The following RASGEF1C variants were observed in gnomAD, a reference collection of about 807,000 sequenced individuals.
RASGEF1C encodes the protein ras-GEF domain-containing family member 1C.
RASGEF1C carries 27 observed loss-of-function variants against 58.1 expected under a neutral mutation model. That is an observed-to-expected ratio of 0.46 (90% confidence interval 0.34 to 0.64). RASGEF1C has a LOEUF of 0.64. Among genes scored for constraint, RASGEF1C ranks in the 30% least tolerant of loss-of-function variants. RASGEF1C has a pLI of 0.01. For missense variants in RASGEF1C, 502 were observed against 605.1 expected (o/e 0.83, Z 1.79); for synonymous variants, 243 against 246.3 (o/e 0.99, Z 0.13).
intron 12 of RASGEF1C, among the ~76,000 whole-genome samples, chr5:180,110,742 C>T (rs1765946520): frequency 6.6e-6 from 1 of 152,196 alleles, no homozygotes; most frequent in Admixed American, 6.5e-5. Context: ...GTGTCTGTTA[C>T]ACCTGCACAC....
chr5:180,124,402 C>A (rs182033888), intron 6 of RASGEF1C, among the ~76,000 whole-genome samples: 2 of 152,188 alleles, frequency 1.3e-5, no homozygotes, highest in Admixed American at 1.3e-4. Flanking sequence ...ACAGTTCAGT[C>A]TCACTGACGA....
At chr5:180,135,048 C>CA (rs201990397) in intron 4 of RASGEF1C, among the ~76,000 whole-genome samples, 3,572 of 143,390 alleles carry the variant, frequency 0.025, 104 homozygotes, top group Middle Eastern at 0.061. Flanking sequence ...TGTCCCCACC[C>CA]CCCCCGTCCA....
At position 180,137,212 on chromosome 5, in the gene RASGEF1C, G is replaced by T. The variant is rs1350072083; in HGVS notation, c.300+378C>A. On this transcript the variant is annotated intron_variant, in intron 3 of 13. Transcript: ENST00000361132. The surrounding 1 kb of genome is among the most constrained non-coding windows in gnomAD (Gnocchi z 4.1). ...CTCCCACTAGCGGTAGAGCCCTACC[G>T]ACGCGTGTGCAATAGAGGCAGCCCG... Among the ~76,000 whole-genome samples, 2 of 152,144 alleles carry T rather than the reference G, an allele frequency of 1.3e-5. No individual in the cohort carries two copies. Among genetic ancestry groups the T allele is most frequent in the African/African-American group, 4.8e-5 (2 of 41,436 alleles).
intron 1 of RASGEF1C, among the ~76,000 whole-genome samples, chr5:180,175,494 T>G (rs958875094): frequency 1.6e-4 from 24 of 152,214 alleles, no homozygotes; most frequent in African/African-American, 5.5e-4. Flanking sequence ...GAGCCCGGCC[T>G]TGGGCTCAGG....
chr5:180,185,798 T>C (rs1252596294), intron 1 of RASGEF1C, among the ~76,000 whole-genome samples: 1 of 151,786 alleles, frequency 6.6e-6, no homozygotes, highest in African/African-American at 2.4e-5. Context: ...AAAAACCTTC[T>C]CATAAGGAAC....
chr5:180,124,245 A>C (rs1053651389), intron 6 of RASGEF1C, among the ~76,000 whole-genome samples: 2 of 143,164 alleles, frequency 1.4e-5, no homozygotes, highest in Non-Finnish European at 3.1e-5. Context: ...AAAAAAAAAA[A>C]GAAAAAGAAA....
chr5:180,142,754 C>T (rs1186549672), intron 1 of RASGEF1C, among the ~76,000 whole-genome samples: 1 of 152,126 alleles, frequency 6.6e-6, no homozygotes, highest in African/African-American at 2.4e-5. Context: ...CAGTGAGGCC[C>T]TGAGAAATGA....
chr5:180,115,367 C>T, intron 10 of RASGEF1C: 1 of 392,306 alleles, frequency 2.5e-6, no homozygotes, highest in South Asian at 1.9e-5. Context: ...GATGCACTTA[C>T]TGTTAGACCA....
chr5:180,148,086 G>T (rs1359341402), intron 1 of RASGEF1C, among the ~76,000 whole-genome samples: 1 of 152,072 alleles, frequency 6.6e-6, no homozygotes, highest in African/African-American at 2.4e-5. Flanking sequence ...AATTTTCATT[G>T]ATATGTGATA....
intron 1 of RASGEF1C, 184 bp from the exon 2 acceptor site, chr5:180,138,242 C>G (rs1561740650): frequency 2.2e-6 from 1 of 463,274 alleles, no homozygotes. Flanking sequence ...CACAGCACAG[C>G]CTTCATTCTC....
chr5:180,164,308 G>A (rs960587313), intron 1 of RASGEF1C, among the ~76,000 whole-genome samples: 4 of 151,930 alleles, frequency 2.6e-5, no homozygotes, highest in African/African-American at 4.8e-5. Context: ...GTTTCTTAAT[G>A]TGAAATTTCA....
At chr5:180,165,972 A>G (rs1767015806) in intron 1 of RASGEF1C, among the ~76,000 whole-genome samples, 3 of 151,518 alleles carry the variant, frequency 2.0e-5, no homozygotes, top group African/African-American at 7.3e-5. Context: ...GATGGTCTTG[A>G]TCTCCTGACC....
In RASGEF1C at chr5:180,136,555, C is replaced by T. The variant is rs976700930; in HGVS notation, c.301-40G>A. 6 of 1,541,294 alleles carry T rather than the reference C, an allele frequency of 3.9e-6. No individual in the cohort carries two copies. In the East Asian group the frequency reaches 7.2e-5, roughly 19 times the overall value. On this transcript the variant is annotated intron_variant, in intron 3 of 13. Coordinates refer to ENST00000361132, the MANE Select transcript of RASGEF1C (RefSeq NM_175062.4). ...GGGGCACCGCGCTCGTGAGGGGCGC[C>T]GGGTGGGCACGTGAGCCTCACTGCG... is the stretch of plus-strand genomic sequence containing the variant.
At chr5:180,187,693 G>A (rs4700722) in intron 1 of RASGEF1C, among the ~76,000 whole-genome samples, 72,927 of 152,066 alleles carry the variant, frequency 0.48, 18,461 homozygotes, top group African/African-American at 0.64. Flanking sequence ...CAAAATACTT[G>A]AATAGACATT....
At position 180,158,778 on chromosome 5, in the gene RASGEF1C, C is replaced by T. The variant is rs148793947; in HGVS notation, c.-6-20720G>A. The stretch of plus-strand genomic sequence containing the variant: ...TCGTGTGGAGCACTTTCCAGTCTCA[C>T]GGGCTGGAATCTCGTGCCCTTCAGT... On this transcript the variant is annotated intron_variant, in intron 1 of 13. Coordinates refer to ENST00000361132, the MANE Select transcript of RASGEF1C (RefSeq NM_175062.4). This position sits in a 1 kb window ranked among gnomAD's most constrained non-coding sequence, Gnocchi z 4.0. Among the ~76,000 whole-genome samples the T allele has an allele frequency of 5.3e-5, 8 of 152,278 alleles. No homozygotes were observed. Among genetic ancestry groups the T allele is most frequent in the African/African-American group, 7.2e-5 (3 of 41,550 alleles).
chr5:180,154,320 C>G (rs528175483), intron 1 of RASGEF1C, among the ~76,000 whole-genome samples: 1 of 152,272 alleles, frequency 6.6e-6, no homozygotes, highest in East Asian at 1.9e-4. Context: ...GAACTCAGCA[C>G]TGTTTCCAAG....
In RASGEF1C at chr5:180,208,964, C is replaced by G. The variant is rs959467390; in HGVS notation, c.-7+64G>C. On this transcript the variant is annotated intron_variant, in intron 1 of 13. Transcript: ENST00000361132. ...CCGCCGCGCCGCCGGCAGCCCTCCC[C>G]AGCCCCCGCGAGCCCGCGCCCTTGC... 2.5e-4 allele frequency: 37 copies of G among 147,562 alleles called. 1 individual carries two copies. Among genetic ancestry groups the G allele is most frequent in the African/African-American group, 9.0e-4 (37 of 40,916 alleles). The allele number at this position is 147,562 out of a possible 1,614,324, so 9.1% of individuals were successfully genotyped here.
intron 6 of RASGEF1C, among the ~76,000 whole-genome samples, chr5:180,126,442 C>T (rs1014404633): frequency 1.3e-5 from 2 of 152,140 alleles, no homozygotes; most frequent in Non-Finnish European, 2.9e-5. Flanking sequence ...GTTCCTGCCT[C>T]CCAGCACCAC....
chr5:180,202,485 A>C (rs76792388), intron 1 of RASGEF1C, among the ~76,000 whole-genome samples: 13,359 of 152,258 alleles, frequency 0.088, 715 homozygotes, highest in South Asian at 0.13. Context: ...AATTCTTTGG[A>C]GCTCCAGAAA....
Sources: allele counts gnomAD v4.1 joint callset (sites outside exome capture counted in the v4.1 genomes callset), GRCh38; gene constraint gnomAD v4.1.1; non-coding constraint Gnocchi (gnomAD v3.1); transcripts MANE v1.5; gene names NCBI Gene and HGNC (gene_info 2026-07-23, HGNC 2026-07-21).